AP4S1: variants seen among roughly 807,000 people sequenced by gnomAD.
AP4S1 encodes the protein AP-4 complex subunit sigma-1.
In AP4S1, 23 loss-of-function variants were observed where a neutral mutation model predicts 19.8. That is an observed-to-expected ratio of 1.16 (90% confidence interval 0.84 to 1.65). The LOEUF (loss-of-function observed/expected upper bound fraction) is 1.65. AP4S1 is among the 40% of genes most tolerant of loss of function. The pLI, the probability that AP4S1 is intolerant of heterozygous loss-of-function variation, is 0.00. For synonymous variants in AP4S1, 46 were observed against 54.1 expected, an observed-to-expected ratio of 0.85 and a Z score of 0.66; for missense variants, 166 against 172.8, an observed-to-expected ratio of 0.96 and a Z score of 0.22.
At chr14:31,051,738 G>A (rs571693391) in intron 1 of AP4S1, among the ~76,000 whole-genome samples, 36 of 152,276 alleles carry the variant, frequency 2.4e-4, no homozygotes, top group Non-Finnish European at 4.4e-4. Context: ...TCAGCACACT[G>A]TAACTTCCCC....
At chr14:31,049,967 A>G (rs1885689727) in intron 1 of AP4S1, among the ~76,000 whole-genome samples, 1 of 150,650 alleles carries the variant, frequency 6.6e-6, no homozygotes. Flanking sequence ...TGTCGCCTAG[A>G]CTGGAGTGCA....
intron 1 of AP4S1, among the ~76,000 whole-genome samples, chr14:31,060,027 TTATGTATA>T (rs1189274048): frequency 2.7e-5 from 4 of 147,012 alleles, no homozygotes; most frequent in Admixed American, 2.1e-4. Context: ...GTATATATAT[TTATGTATA>T]TATGTATATA....
At chr14:31,072,366 C>T (rs1887058785) in intron 3 of AP4S1, among the ~76,000 whole-genome samples, 1 of 151,890 alleles carries the variant, frequency 6.6e-6, no homozygotes, top group African/African-American at 2.4e-5. Context: ...TGTGAGCCAT[C>T]ACGCATGGCC....
intron 1 of AP4S1, among the ~76,000 whole-genome samples, chr14:31,028,201 A>G (rs138462933): frequency 2.5e-4 from 38 of 151,072 alleles, no homozygotes; most frequent in African/African-American, 9.0e-4. Flanking sequence ...TTTTTGAGAC[A>G]GGGTCTCACT....
intron 1 of AP4S1, chr14:31,026,566 C>G (rs1162540509): frequency 5.5e-6 from 1 of 181,028 alleles, no homozygotes; most frequent in Non-Finnish European, 1.1e-5. Flanking sequence ...AGAACGCAGC[C>G]CGGGTCGCCG....
chr14:31,040,206 C>T (rs1317653661), intron 1 of AP4S1, among the ~76,000 whole-genome samples: 1 of 145,126 alleles, frequency 6.9e-6, no homozygotes, highest in African/African-American at 2.6e-5. Flanking sequence ...GGCTGGAGTG[C>T]AGTGGCCTAG....
chr14:31,081,862 T>C (rs1887655695), intron 5 of AP4S1, among the ~76,000 whole-genome samples: 1 of 151,780 alleles, frequency 6.6e-6, no homozygotes, highest in African/African-American at 2.4e-5. Context: ...ATATATGATA[T>C]ATATATATAC....
intron 1 of AP4S1, among the ~76,000 whole-genome samples, chr14:31,027,800 A>C (rs1213800418): frequency 6.6e-6 from 1 of 152,248 alleles, no homozygotes; most frequent in South Asian, 2.1e-4. Context: ...TCTAAAAATT[A>C]ATATAGCTAA....
chr14:31,083,661 T>A, intron 5 of AP4S1: 1 of 408,242 alleles, frequency 2.4e-6, no homozygotes, highest in South Asian at 1.7e-5. Flanking sequence ...CACAACACCA[T>A]GCCTGGCTAA....
chr14:31,047,925 CCT>C (rs1258667152), intron 1 of AP4S1, among the ~76,000 whole-genome samples: 4 of 152,130 alleles, frequency 2.6e-5, no homozygotes, highest in Non-Finnish European at 4.4e-5. Flanking sequence ...GATTCGCTCA[CCT>C]CGGCCTCCCA....
intron 1 of AP4S1, among the ~76,000 whole-genome samples, chr14:31,059,624 A>G (rs918109704): frequency 6.6e-6 from 1 of 152,224 alleles, no homozygotes; most frequent in Non-Finnish European, 1.5e-5. Context: ...TAATTTACTG[A>G]CAATAATTTG....
Position 31,080,570 on chromosome 14 carries a change from C to A in AP4S1, c.295-3C>A, listed in dbSNP as rs185246578. 20 of 1,611,426 alleles carry A rather than the reference C, an allele frequency of 1.2e-5. No individual in the cohort carries two copies. The African/African-American group carries it at 1.7e-4, about 14-fold the overall frequency. On this transcript the variant is annotated splice_region_variant and splice_polypyrimidine_tract_variant and intron_variant, in intron 4 of 5. Coordinates refer to ENST00000542754, the MANE Select transcript of AP4S1 (RefSeq NM_001128126.3). ...ACCCTTGCACTCTTTTTCTGTCTTCCAGAGTGAATTAGATGTATCCTTTTT... is the reference window on the plus strand; with the variant it reads ...ACCCTTGCACTCTTTTTCTGTCTTCAAGAGTGAATTAGATGTATCCTTTTT...
At chr14:31,084,458 A>G (rs1594712853) in intron 5 of AP4S1, among the ~76,000 whole-genome samples, 1 of 152,252 alleles carries the variant, frequency 6.6e-6, no homozygotes, top group East Asian at 1.9e-4. Context: ...TTAAAAAGAA[A>G]GGACCTAAGC....
chr14:31,091,661 C>T (rs1475688510), intron 5 of AP4S1, among the ~76,000 whole-genome samples: 1 of 151,814 alleles, frequency 6.6e-6, no homozygotes, highest in East Asian at 1.9e-4. Flanking sequence ...TAAAGTCATT[C>T]ACCATTTGTC....
Position 31,073,288 on chromosome 14 carries a change from A to T in AP4S1, c.294+315A>T, listed in dbSNP as rs986068537. The T allele has an allele frequency of 1.3e-5, 4 of 304,082 alleles. No individual in the cohort carries two copies. In the East Asian group the frequency reaches 3.2e-4, roughly 24 times the overall value. The allele number at this position is 304,082 out of a possible 1,614,324, so 18.8% of individuals were successfully genotyped here. ...GGCAGATCACAAGGTCAGGAGATGG[A>T]GACCATCCTGGCTAATACGGTGAAA... is the stretch of plus-strand genomic sequence containing the variant. On this transcript the variant is annotated intron_variant, in intron 4 of 5. Coordinates refer to ENST00000542754, the MANE Select transcript of AP4S1 (RefSeq NM_001128126.3).
At chr14:31,084,913 C>T (rs1240916945) in intron 5 of AP4S1, 2 of 1,614,014 alleles carry the variant, frequency 1.2e-6, no homozygotes, top group East Asian at 4.5e-5. Context: ...ATGAACAGCA[C>T]AGTATGGGAG....
chr14:31,063,750 G>A (rs189905358), intron 1 of AP4S1, among the ~76,000 whole-genome samples: 36 of 152,288 alleles, frequency 2.4e-4, no homozygotes, highest in African/African-American at 7.9e-4. Flanking sequence ...TGGAAGAATC[G>A]ATGAACTCTA....
At chr14:31,038,251 A>G (rs1205461202) in intron 1 of AP4S1, among the ~76,000 whole-genome samples, 3 of 152,228 alleles carry the variant, frequency 2.0e-5, no homozygotes, top group East Asian at 1.9e-4. Context: ...TTTTGGAAGT[A>G]TTATTAGCCC....
intron 4 of AP4S1, among the ~76,000 whole-genome samples, chr14:31,080,172 C>T (rs1300296043): frequency 6.6e-6 from 1 of 152,126 alleles, no homozygotes; most frequent in African/African-American, 2.4e-5. Context: ...CCTGAATATC[C>T]TGTCATATAT....
Sources: allele counts gnomAD v4.1 joint callset (sites outside exome capture counted in the v4.1 genomes callset), GRCh38; gene constraint gnomAD v4.1.1; transcripts MANE v1.5; gene names NCBI Gene and HGNC (gene_info 2026-07-23, HGNC 2026-07-21).